TRIM36: variants seen among roughly 807,000 people sequenced by gnomAD.
TRIM36 encodes the protein E3 ubiquitin-protein ligase TRIM36.
Under a neutral mutation model 72.4 loss-of-function variants are expected in TRIM36, and 42 were observed. The ratio of observed to expected loss-of-function variants is 0.58; its 90% CI spans 0.45 to 0.75. The LOEUF (loss-of-function observed/expected upper bound fraction) is 0.75. Among genes scored for constraint, TRIM36 ranks in the 30% least tolerant of loss-of-function variants. The pLI, the probability that TRIM36 is intolerant of heterozygous loss-of-function variation, is 0.00. For synonymous variants in TRIM36, 315 were observed against 282.8 expected, an observed-to-expected ratio of 1.11 and a Z score of -1.14; for missense variants, 913 against 857.1, an observed-to-expected ratio of 1.07 and a Z score of -0.81.
intron 2 of TRIM36, among the ~76,000 whole-genome samples, chr5:115,152,908 C>T (rs1159514664): frequency 6.6e-6 from 1 of 152,044 alleles, no homozygotes; most frequent in Non-Finnish European, 1.5e-5. Flanking sequence ...CAAAACAGAA[C>T]CTCTTTAAAG....
upstream of TRIM36, among the ~76,000 whole-genome samples, chr5:115,172,853 A>T (rs1216236946): frequency 6.6e-6 from 1 of 152,216 alleles, no homozygotes; most frequent in East Asian, 1.9e-4. Flanking sequence ...AGCACAAAAT[A>T]TGATAACCAT....
intron 2 of TRIM36, among the ~76,000 whole-genome samples, chr5:115,158,910 G>A (rs1451218952): frequency 6.6e-6 from 1 of 152,172 alleles, no homozygotes; most frequent in Non-Finnish European, 1.5e-5. Context: ...AAATGCAGAA[G>A]AAAGAGAGAA....
In TRIM36 at chr5:115,165,602, G is replaced by A. The variant is rs376425413; in HGVS notation, c.28-1850C>T. On this transcript the variant is annotated intron_variant, in intron 1 of 9. Coordinates refer to ENST00000513154, the MANE Select transcript of TRIM36 (RefSeq NM_001300759.2). ...TGATGGCAGCTGCAGCCCATCTGGA[G>A]CAGCTGCTGCAAAGATGCTGGCTGC... is the stretch of plus-strand genomic sequence containing the variant. Among the ~76,000 whole-genome samples, 85 of 152,338 alleles carry A rather than the reference G, an allele frequency of 5.6e-4. No homozygotes were observed. In the South Asian group the frequency reaches 0.017, roughly 31 times the overall value.
At chr5:115,127,952 G>T (rs1401596759) in intron 9 of TRIM36, among the ~76,000 whole-genome samples, 1 of 151,988 alleles carries the variant, frequency 6.6e-6, no homozygotes, top group African/African-American at 2.4e-5. Context: ...CGTGGAAGTG[G>T]AAGACGATGA....
At chr5:115,128,518 T>C (rs148498648) in intron 9 of TRIM36, among the ~76,000 whole-genome samples, 4 of 151,454 alleles carry the variant, frequency 2.6e-5, no homozygotes, top group African/African-American at 4.8e-5. Context: ...TTTGGGAGGC[T>C]GAGGCGGGTG....
intron 1 of TRIM36, among the ~76,000 whole-genome samples, chr5:115,164,935 G>C (rs1754681621): frequency 6.6e-6 from 1 of 152,160 alleles, no homozygotes; most frequent in African/African-American, 2.4e-5. Flanking sequence ...ATTCCAAATG[G>C]GAAAAATTGG....
In TRIM36 at chr5:115,137,379, T is replaced by C; in HGVS notation, c.1069A>G (p.Lys357Glu). The C allele has an allele frequency of 6.2e-7, 1 of 1,609,534 alleles. No individual in the cohort carries two copies. Among genetic ancestry groups the C allele is most frequent in the Non-Finnish European group, 8.5e-7 (1 of 1,178,854 alleles). The change falls in exon 6 of 10, where the codon AAG (lysine) becomes GAG (glutamate). Residue 357 changes from lysine to glutamate, a missense_variant. By Grantham distance (56) the Lys-to-Glu change is moderately conservative. Transcript: ENST00000513154. ...AGAGAATACCTGAGGTGGAGCTGCT[T>C]TGCTGTCTGCACAAAGCAAGACTGA... ...TDQSCFVQTAKQLHLRIQKAT... is the reference protein window; with the variant it reads ...TDQSCFVQTAEQLHLRIQKAT...
intron 5 of TRIM36, among the ~76,000 whole-genome samples, chr5:115,138,395 G>A (rs1182540737): frequency 1.3e-5 from 2 of 152,062 alleles, no homozygotes; most frequent in East Asian, 1.9e-4. Context: ...CACCGCGCCT[G>A]GCCTAAAAAA....
chr5:115,137,718 C>T, intron 5 of TRIM36, 102 bp from the exon 6 acceptor site: 3 of 1,290,410 alleles, frequency 2.3e-6, no homozygotes, highest in Non-Finnish European at 3.1e-6. Flanking sequence ...AATTACATTT[C>T]ATCTATGTGA....
intron 1 of TRIM36, chr5:115,169,192 G>C (rs977965352): frequency 5.8e-6 from 1 of 172,090 alleles, no homozygotes; most frequent in South Asian, 2.0e-4. Flanking sequence ...GCGGCAGCCG[G>C]CCGGGCCCGC....
intron 1 of TRIM36, among the ~76,000 whole-genome samples, chr5:115,165,224 G>T (rs1326824389): frequency 6.6e-6 from 1 of 152,202 alleles, no homozygotes; most frequent in Non-Finnish European, 1.5e-5. Context: ...CTGGGGTCTG[G>T]AGGACCATGG....
chr5:115,173,228 T>A (rs1192369766), upstream of TRIM36, among the ~76,000 whole-genome samples: 1 of 152,198 alleles, frequency 6.6e-6, no homozygotes, highest in Non-Finnish European at 1.5e-5. Context: ...CTTTTTATCT[T>A]CCTTTCTTCT....
chr5:115,135,714 A>G (rs1752929968), intron 7 of TRIM36, among the ~76,000 whole-genome samples: 1 of 152,198 alleles, frequency 6.6e-6, no homozygotes, highest in South Asian at 2.1e-4. Context: ...ATACTATTCA[A>G]GCATACATTT....
upstream of TRIM36, among the ~76,000 whole-genome samples, chr5:115,170,931 T>C (rs73251579): frequency 0.083 from 12,564 of 152,272 alleles, 1,447 homozygotes; most frequent in African/African-American, 0.26. Flanking sequence ...CCCAAGTGTG[T>C]TTCTGGTGTT....
chr5:115,178,353 T>G (rs1428449271), intron 1 of TRIM36, among the ~76,000 whole-genome samples: 3 of 152,196 alleles, frequency 2.0e-5, no homozygotes, highest in African/African-American at 7.2e-5. Context: ...CCCCTCAACG[T>G]TCCCAAATAG....
At chr5:115,128,149 G>A (rs190850893) in intron 9 of TRIM36, among the ~76,000 whole-genome samples, 2 of 152,032 alleles carry the variant, frequency 1.3e-5, no homozygotes, top group Non-Finnish European at 2.9e-5. Context: ...AGGCTGAGGA[G>A]GGCGGATCAC....
In TRIM36 at chr5:115,128,061, A is replaced by C. The variant is rs188823918; in HGVS notation, c.1797-1204T>G. ...AAAATTTAAAAAATTAAAAAAAAAAACTTGTAGAACAAGGCTATAAAAAAA... is the reference window on the plus strand; with the variant it reads ...AAAATTTAAAAAATTAAAAAAAAAACCTTGTAGAACAAGGCTATAAAAAAA... On this transcript the variant is annotated intron_variant, in intron 9 of 9. Transcript: ENST00000513154. Among the ~76,000 whole-genome samples, 806 of 142,166 alleles carry C rather than the reference A, an allele frequency of 5.7e-3. 13 individuals are homozygous for C. Among genetic ancestry groups the C allele is most frequent in the African/African-American group, 0.02 (783 of 39,148 alleles). 93.3% of individuals were successfully genotyped at this position (142,166 alleles called of 152,430 possible). A position where few individuals can be genotyped will look rare whatever the true frequency, so the allele number is the denominator to read the frequency against.
At chr5:115,139,942 G>A (rs144340735) in intron 5 of TRIM36, among the ~76,000 whole-genome samples, 29 of 152,166 alleles carry the variant, frequency 1.9e-4, no homozygotes, top group African/African-American at 7.0e-4. Flanking sequence ...GGACTGAGAG[G>A]ACCAACAAAC....
intron 4 of TRIM36, among the ~76,000 whole-genome samples, chr5:115,142,824 C>G (rs913988530): frequency 6.6e-6 from 1 of 152,054 alleles, no homozygotes; most frequent in Non-Finnish European, 1.5e-5. Flanking sequence ...AAATCAGGAC[C>G]CCAGTTCTTT....
Sources: gnomAD v4.1 joint callset for allele counts (sites outside exome capture counted in the v4.1 genomes callset) on GRCh38, gnomAD v4.1.1 for gene constraint, MANE v1.5 for transcripts, NCBI Gene and HGNC (gene_info 2026-07-23, HGNC 2026-07-21) for gene names.